The following SREK1 variants were observed in gnomAD, a reference collection of about 807,000 sequenced individuals.
SREK1 encodes the protein splicing regulatory glutamine/lysine-rich protein 1.
A neutral mutation model predicts 66.5 loss-of-function variants in SREK1; 13 were observed. That is an observed-to-expected ratio of 0.20 (90% CI 0.13 to 0.31). SREK1 has a LOEUF of 0.31. SREK1 is among the 10% of genes least tolerant of loss of function. The pLI is 1.00. For missense variants in SREK1, 607 were observed against 769.6 expected (o/e 0.79, Z 2.50); for synonymous variants, 265 against 263.5 (o/e 1.01, Z -0.05).
intron 1 of SREK1, among the ~76,000 whole-genome samples, chr5:66,151,945 A>G (rs919606718): frequency 2.8e-5 from 4 of 140,382 alleles, no homozygotes; most frequent in Non-Finnish European, 6.0e-5. Context: ...TCCCGGGTTC[A>G]CGCCACTCTC....
Position 66,178,893 on chromosome 5 carries a change from C to A in SREK1, c.*25C>A. 2 of 1,552,186 alleles carry A rather than the reference C, an allele frequency of 1.3e-6. No individual in the cohort carries two copies. The highest frequency in any genetic ancestry group is 1.2e-5 in the South Asian group (1 of 80,266). ...GGACCGACAAGTGTACCTCTGCACT[C>A]AATGCTGGAATCAAATCCAAAGCTT... On this transcript the variant is annotated 3_prime_UTR_variant, in exon 12 of 12. Coordinates refer to ENST00000334121, the MANE Select transcript of SREK1 (RefSeq NM_001077199.3).
Position 66,181,935 on chromosome 5 carries a change from T to C in SREK1, c.*3067T>C, listed in dbSNP as rs916636045. On this transcript the variant is annotated 3_prime_UTR_variant, in exon 12 of 12. Coordinates refer to ENST00000334121, the MANE Select transcript of SREK1 (RefSeq NM_001077199.3). ...GGGGTCAAGAGAATTTATTTTGTGA[T>C]AGTAATAATTTTCAAGACCTTCAGT... 1.4e-5 allele frequency: 2 copies of C among 147,342 alleles called. No individual in the cohort carries two copies. The highest frequency in any genetic ancestry group is 5.0e-5 in the African/African-American group (2 of 40,318). 9.1% of individuals were successfully genotyped at this position (147,342 alleles called of 1,614,324 possible).
At chr5:66,160,018 T>G (rs1198088677) in intron 3 of SREK1, among the ~76,000 whole-genome samples, 1 of 151,904 alleles carries the variant, frequency 6.6e-6, no homozygotes, top group African/African-American at 2.4e-5. Context: ...TAGTCCCAGC[T>G]GCTCGGGAGG....
intron 5 of SREK1, 123 bp downstream of exon 5, chr5:66,162,715 G>A (rs1159695453): frequency 1.0e-5 from 9 of 878,752 alleles, no homozygotes; most frequent in Non-Finnish European, 1.3e-5. Context: ...AAGACTTTGT[G>A]TTAAGTATAA....
At chr5:66,150,417 A>G (rs1337253402) in intron 1 of SREK1, among the ~76,000 whole-genome samples, 1 of 152,238 alleles carries the variant, frequency 6.6e-6, no homozygotes, top group Admixed American at 6.5e-5. Context: ...AACAGCATAT[A>G]TGAAGACCCA....
At chr5:66,153,989 G>A (rs1018542273) in intron 2 of SREK1, among the ~76,000 whole-genome samples, 3 of 151,894 alleles carry the variant, frequency 2.0e-5, no homozygotes, top group African/African-American at 7.3e-5. Flanking sequence ...GGCAAATTGG[G>A]GTTAAGTGAT....
chr5:66,149,277 G>C (rs1265333571), intron 1 of SREK1, among the ~76,000 whole-genome samples: 3 of 152,100 alleles, frequency 2.0e-5, no homozygotes, highest in African/African-American at 4.8e-5. Context: ...ATGAACCCGG[G>C]AGGCGGAGGT....
intron 1 of SREK1, among the ~76,000 whole-genome samples, chr5:66,152,072 C>T (rs1218646261): frequency 2.6e-5 from 4 of 151,990 alleles, no homozygotes; most frequent in African/African-American, 9.7e-5. Context: ...GTCTCGATCT[C>T]CTGACCTCGT....
chr5:66,180,606 TG>T lies in SREK1; in HGVS notation c.*1739del, dbSNP rs1228259622. On this transcript the variant is annotated 3_prime_UTR_variant, in exon 12 of 12. Transcript: ENST00000334121. ...ATGTGTTCAGAATTACTGTTTTTTT[TG>T]TTTGTTTTTCCTTTTTGTCACTGTG... is the stretch of plus-strand genomic sequence containing the variant. 2.6e-5 allele frequency: 4 copies of T among 152,622 alleles called. No homozygotes were observed. Among genetic ancestry groups the T allele is most frequent in the Non-Finnish European group, 5.9e-5 (4 of 68,014 alleles). The allele number at this position is 152,622 out of a possible 1,614,324, so 9.5% of individuals were successfully genotyped here. A position where few individuals can be genotyped will look rare whatever the true frequency, so the allele number is the denominator to read the frequency against.
At chr5:66,156,609 A>T (rs1744308380) in intron 2 of SREK1, 26 of 985,336 alleles carry the variant, frequency 2.6e-5, no homozygotes, top group Non-Finnish European at 2.7e-5. Flanking sequence ...CATCTCTCAT[A>T]AAAACTGATA....
intron 10 of SREK1, among the ~76,000 whole-genome samples, chr5:66,175,623 A>G (rs978350005): frequency 6.6e-5 from 10 of 152,182 alleles, no homozygotes; most frequent in Non-Finnish European, 1.5e-4. Context: ...GTTAAGTTAG[A>G]TAATAAGCAT....
chr5:66,178,634 A>G, intron 11 of SREK1, 85 bp from the exon 12 acceptor site: 1 of 1,351,714 alleles, frequency 7.4e-7, no homozygotes, highest in Non-Finnish European at 9.8e-7. Context: ...TTAAATTTGC[A>G]AAAGATAAAG....
chr5:66,178,602 A>G lies in SREK1; in HGVS notation c.1726-117A>G, dbSNP rs76421558. On this transcript the variant is annotated intron_variant, in intron 11 of 11. Transcript: ENST00000334121. The stretch of plus-strand genomic sequence containing the variant: ...ATTCATTTTGTGTGAAAACGTAATG[A>G]GAGAAAATCATACCCAGTTTTTTAA... The G allele has an allele frequency of 1.6e-3, 1,517 of 956,296 alleles. 40 individuals are homozygous for G. In the East Asian group the frequency reaches 0.032, roughly 20 times the overall value. 59.2% of individuals were successfully genotyped at this position (956,296 alleles called of 1,614,324 possible).
At chr5:66,152,600 T>C (rs183103079) in intron 1 of SREK1, among the ~76,000 whole-genome samples, 2 of 152,346 alleles carry the variant, frequency 1.3e-5, no homozygotes, top group Non-Finnish European at 2.9e-5. Flanking sequence ...AAGTGATCTC[T>C]CTTTTTTTAG....
Position 66,180,082 on chromosome 5 carries a change from TA to T in SREK1, c.*1217del, listed in dbSNP as rs1276447310. ...TTATTACCTCTCAATCATCTTTTCA[TA>T]AATGATGTGCAGAAATTGTACTTAA... On this transcript the variant is annotated 3_prime_UTR_variant, in exon 12 of 12. Transcript: ENST00000334121. The T allele has an allele frequency of 8.5e-5, 13 of 152,594 alleles. No individual in the cohort carries two copies. The highest frequency in any genetic ancestry group is 3.3e-4 in the Admixed American group (5 of 15,266). The allele number at this position is 152,594 out of a possible 1,614,324, so 9.5% of individuals were successfully genotyped here.
At position 66,173,719 on chromosome 5, in the gene SREK1, C is replaced by T. The variant is rs139241705; in HGVS notation, c.1485-1227C>T. On this transcript the variant is annotated intron_variant, in intron 9 of 11. Coordinates refer to ENST00000334121, the MANE Select transcript of SREK1 (RefSeq NM_001077199.3). The stretch of plus-strand genomic sequence containing the variant: ...AAGAATTACACTGATAAAGGCAGAG[C>T]GATTTTGTGTAATCTTAAAGTCTGG... Among the ~76,000 whole-genome samples the T allele has an allele frequency of 6.0e-4, 92 of 152,258 alleles. 4 individuals carry two copies. The East Asian group carries it at 0.018, about 29-fold the overall frequency.
chr5:66,177,591 C>G lies in SREK1; in HGVS notation c.1658C>G (p.Ser553Cys). The G allele has an allele frequency of 2.5e-6, 4 of 1,610,990 alleles. No individual in the cohort carries two copies. In the South Asian group the frequency reaches 3.3e-5, roughly 13 times the overall value. ...AGAAGAGAGAGAGAACGTTCAACGT[C>G]TATGAGAAAGAGTTCTAATGATAGA... ...SERRERERST[S>C]MRKSSNDRDG... The change falls in exon 11 of 12, where the codon TCT becomes TGT. Residue 553 changes from serine to cysteine, a missense_variant. Transcript: ENST00000334121.
In SREK1 at chr5:66,152,000, C is replaced by T. The variant is rs537573181; in HGVS notation, c.162-1463C>T. Among the ~76,000 whole-genome samples, 159 of 152,020 alleles carry T rather than the reference C, an allele frequency of 1.0e-3. 1 individual carries two copies. The highest frequency in any genetic ancestry group is 3.8e-3 in the African/African-American group (157 of 41,504). ...AGCTGGGACTACAGGCGCCCGCCAC[C>T]ACGCCTGGAGAATTTTTTGTATTTT... is the stretch of plus-strand genomic sequence containing the variant. On this transcript the variant is annotated intron_variant, in intron 1 of 11. Coordinates refer to ENST00000334121, the MANE Select transcript of SREK1 (RefSeq NM_001077199.3).
At chr5:66,154,749 G>T (rs1744137385) in intron 2 of SREK1, among the ~76,000 whole-genome samples, 1 of 152,084 alleles carries the variant, frequency 6.6e-6, no homozygotes, top group Non-Finnish European at 1.5e-5. Flanking sequence ...TCTTTCCCAT[G>T]CTTGGGGGTT....
Sources: allele counts gnomAD v4.1 joint callset (sites outside exome capture counted in the v4.1 genomes callset), GRCh38; gene constraint gnomAD v4.1.1; transcripts MANE v1.5; gene names NCBI Gene and HGNC (gene_info 2026-07-23, HGNC 2026-07-21).